YES1: variants seen among roughly 807,000 people sequenced by gnomAD.
The protein encoded by YES1 is tyrosine-protein kinase Yes.
A neutral mutation model predicts 70.4 loss-of-function variants in YES1; 39 were observed. The ratio of observed to expected loss-of-function variants is 0.55; its 90% CI spans 0.43 to 0.72. The LOEUF is 0.72. Ranked by LOEUF, YES1 falls within the 30% of genes least tolerant of loss-of-function variation. The pLI is 0.00. For missense variants in YES1, 495 were observed against 644.8 expected, an observed-to-expected ratio of 0.77 and a Z score of 2.52; for synonymous variants, 198 against 218.6, an observed-to-expected ratio of 0.91 and a Z score of 0.83.
At chr18:734,205 G>T (rs2080124599) in intron 10 of YES1, among the ~76,000 whole-genome samples, 1 of 151,768 alleles carries the variant, frequency 6.6e-6, no homozygotes, top group South Asian at 2.1e-4. Flanking sequence ...CTTGAACCTG[G>T]GGGGCAGAGG....
rs1463029116 is a variant in YES1 at position 723,385 on chromosome 18, A to G, written c.*1039T>C. The G allele has an allele frequency of 1.1e-5, 1 of 91,696 alleles. No individual in the cohort carries two copies. Among genetic ancestry groups the G allele is most frequent in the Admixed American group, 1.1e-4 (1 of 9,420 alleles). 5.7% of individuals were successfully genotyped at this position (91,696 alleles called of 1,614,324 possible). A position where few individuals can be genotyped will look rare whatever the true frequency, so the allele number is the denominator to read the frequency against. On this transcript the variant is annotated 3_prime_UTR_variant, in exon 12 of 12. Coordinates refer to ENST00000314574, the MANE Select transcript of YES1 (RefSeq NM_005433.4). Reference sequence around the variant, plus strand: ...TTACCTTCCATCCCTCTAACTTGTAAAACTTTCACTTTCTTTTCTCGTATT... The same window carrying G: ...TTACCTTCCATCCCTCTAACTTGTAGAACTTTCACTTTCTTTTCTCGTATT...
At chr18:755,405 C>T (rs1372844101) in intron 2 of YES1, among the ~76,000 whole-genome samples, 1 of 152,064 alleles carries the variant, frequency 6.6e-6, no homozygotes, top group South Asian at 2.1e-4. Context: ...CGCAACACCA[C>T]ACCTGGCTAA....
rs71174286 is a variant in YES1 at position 763,703 on chromosome 18, C to CAAAA, written c.-8-6872_-8-6869dup. 2.1e-3 allele frequency among the ~76,000 whole-genome samples: 131 copies of CAAAA among 63,594 alleles called. 10 individuals are homozygous for CAAAA. Among genetic ancestry groups the CAAAA allele is most frequent in the African/African-American group, 7.5e-3 (117 of 15,544 alleles). The allele number at this position is 63,594 out of a possible 152,430, so 41.7% of individuals were successfully genotyped here. ...TGGATGACAGAGGAGATCCTGTCTT[C>CAAAA]AAAAAAAAAAAAAAAAAAAAAAGAC... On this transcript the variant is annotated intron_variant, in intron 1 of 11. Transcript: ENST00000314574.
chr18:757,479 G>A (rs1372921607), intron 1 of YES1, among the ~76,000 whole-genome samples: 2 of 148,380 alleles, frequency 1.3e-5, no homozygotes, highest in East Asian at 2.0e-4. Flanking sequence ...CTCCAGCCTG[G>A]GCGACAGAGC....
intron 1 of YES1, among the ~76,000 whole-genome samples, chr18:799,117 ACCATCGATGC>A (rs1906690467): frequency 6.6e-6 from 1 of 152,202 alleles, no homozygotes; most frequent in Non-Finnish European, 1.5e-5. Flanking sequence ...GAATTAAGAT[ACCATCGATGC>A]CCATACCTTT....
chr18:782,397 C>T (rs1905717761), intron 1 of YES1, among the ~76,000 whole-genome samples: 1 of 152,178 alleles, frequency 6.6e-6, no homozygotes, highest in Admixed American at 6.5e-5. Context: ...AGCCAAGAGG[C>T]AGGGTCACTG....
intron 1 of YES1, among the ~76,000 whole-genome samples, chr18:778,312 A>G (rs1249019266): frequency 6.6e-6 from 1 of 152,226 alleles, no homozygotes; most frequent in Non-Finnish European, 1.5e-5. Flanking sequence ...ATTAAATATT[A>G]GCCCTTTAGA....
At position 723,888 on chromosome 18, in the gene YES1, C is replaced by G. The variant is rs2079987774; in HGVS notation, c.*536G>C. On this transcript the variant is annotated 3_prime_UTR_variant, in exon 12 of 12. Transcript: ENST00000314574. ...TCCTTTTGAAAAACCTGGCCCATGT[C>G]CATGCAAAAGAAAGCATATATTAAG... 1 of 153,686 alleles carries G rather than the reference C, an allele frequency of 6.5e-6. No homozygotes were observed. The highest frequency in any genetic ancestry group is 2.0e-4 in the South Asian group (1 of 4,908). The allele number at this position is 153,686 out of a possible 1,614,324, so 9.5% of individuals were successfully genotyped here. A position where few individuals can be genotyped will look rare whatever the true frequency, so the allele number is the denominator to read the frequency against.
chr18:727,916 T>C (rs941244009), intron 11 of YES1, among the ~76,000 whole-genome samples: 1 of 152,206 alleles, frequency 6.6e-6, no homozygotes, highest in Non-Finnish European at 1.5e-5. Flanking sequence ...ATATATAGGC[T>C]GAGTATCCCT....
chr18:772,539 TCTC>T, intron 1 of YES1, among the ~76,000 whole-genome samples: 1 of 151,152 alleles, frequency 6.6e-6, no homozygotes, highest in African/African-American at 2.4e-5. Context: ...TTCAAGCAAT[TCTC>T]CTGCCTCAGC....
Position 732,869 on chromosome 18 carries a change from G to A in YES1, c.1388C>T (p.Thr463Ile). The A allele has an allele frequency of 1.2e-6, 2 of 1,614,182 alleles. No homozygotes were observed. Among genetic ancestry groups the A allele is most frequent in the Non-Finnish European group, 1.7e-6 (2 of 1,180,030 alleles). Residue 463 changes from threonine to isoleucine, a missense_variant, in exon 11 of 12, where the codon ACA becomes ATA. Transcript: ENST00000314574. ...CACTCGGCCCTTTGTTACTAGTTCT[G>A]TTTGCAGAATTCCAAATGACCAGAC... ...SDVWSFGILQ[T>I]ELVTKGRVPY...
chr18:724,886 C>A (rs1298248800), intron 11 of YES1, among the ~76,000 whole-genome samples: 1 of 152,118 alleles, frequency 6.6e-6, no homozygotes, highest in African/African-American at 2.4e-5. Context: ...CAAAAGCCAA[C>A]CCCATTTGAT....
chr18:812,123 G>A lies in YES1; in HGVS notation c.-18C>T, dbSNP rs984632682. The A allele has an allele frequency of 2.6e-5, 4 of 152,998 alleles. No individual in the cohort carries two copies. The highest frequency in any genetic ancestry group is 9.6e-5 in the African/African-American group (4 of 41,510). 9.5% of individuals were successfully genotyped at this position (152,998 alleles called of 1,614,324 possible). A position where few individuals can be genotyped will look rare whatever the true frequency, so the allele number is the denominator to read the frequency against. Reference sequence around the variant, plus strand: ...CCCACCGGGTCCTTACCTGTCCTCCGGCCGCGCTCTCATGAGTCGCTGCTA... The same window carrying A: ...CCCACCGGGTCCTTACCTGTCCTCCAGCCGCGCTCTCATGAGTCGCTGCTA... On this transcript the variant is annotated 5_prime_UTR_variant, in exon 1 of 12. Transcript: ENST00000314574.
chr18:750,134 T>C (rs997969593), intron 3 of YES1, among the ~76,000 whole-genome samples: 10 of 152,208 alleles, frequency 6.6e-5, no homozygotes, highest in African/African-American at 2.4e-4. Context: ...ATTTGCTCTC[T>C]AGAAAATGAA....
At chr18:765,273 T>G in intron 1 of YES1, among the ~76,000 whole-genome samples, 1 of 97,660 alleles carries the variant, frequency 1.0e-5, no homozygotes, top group African/African-American at 3.6e-5. Flanking sequence ...TATATATATA[T>G]ATATATATAT....
intron 1 of YES1, among the ~76,000 whole-genome samples, chr18:794,202 T>G (rs989185545): frequency 3.3e-5 from 5 of 152,246 alleles, no homozygotes; most frequent in African/African-American, 1.2e-4. Context: ...TAACACAGCG[T>G]GCCTCCTGAT....
intron 1 of YES1, among the ~76,000 whole-genome samples, chr18:779,714 T>A (rs771513356): frequency 6.6e-6 from 1 of 152,162 alleles, no homozygotes; most frequent in Non-Finnish European, 1.5e-5. Flanking sequence ...ATCTTTATTC[T>A]CTCAGATTTT....
intron 1 of YES1, among the ~76,000 whole-genome samples, chr18:806,304 T>C (rs1365126245): frequency 6.6e-6 from 1 of 152,242 alleles, no homozygotes; most frequent in Non-Finnish European, 1.5e-5. Flanking sequence ...TCAACTACAA[T>C]GAATTTTCAG....
chr18:763,887 C>T (rs1034850175), intron 1 of YES1, among the ~76,000 whole-genome samples: 12 of 151,652 alleles, frequency 7.9e-5, no homozygotes, highest in Non-Finnish European at 1.3e-4. Context: ...TTTGGGAGGC[C>T]GAGGCGGGCA....
Sources: gnomAD v4.1 joint callset for allele counts (sites outside exome capture counted in the v4.1 genomes callset) on GRCh38, gnomAD v4.1.1 for gene constraint, MANE v1.5 for transcripts, NCBI Gene and HGNC (gene_info 2026-07-23, HGNC 2026-07-21) for gene names.